Variants in SRBD1 observed in about 807,000 individuals in gnomAD.
The protein encoded by SRBD1 is S1 RNA-binding domain-containing protein 1.
Under a neutral mutation model 115.3 loss-of-function variants are expected in SRBD1, and 88 were observed. That is an observed-to-expected ratio of 0.76 (90% CI 0.64 to 0.91). The LOEUF (loss-of-function observed/expected upper bound fraction) is 0.91, where lower values mean the gene tolerates loss of function less well. SRBD1 is among the 40% of genes least tolerant of loss of function. The pLI, the probability that SRBD1 is intolerant of heterozygous loss-of-function variation, is 0.00. For synonymous variants in SRBD1, 509 were observed against 407.7 expected, an observed-to-expected ratio of 1.25 and a Z score of -2.99; for missense variants, 1,385 against 1,177.4, an observed-to-expected ratio of 1.18 and a Z score of -2.58.
intron 14 of SRBD1, among the ~76,000 whole-genome samples, chr2:45,544,725 C>T (rs1275893019): frequency 6.6e-6 from 1 of 152,098 alleles, no homozygotes; most frequent in Non-Finnish European, 1.5e-5. Context: ...TAAGAAAATA[C>T]TGCATCTAAT....
intron 14 of SRBD1, among the ~76,000 whole-genome samples, chr2:45,529,700 GAGAGA>G (rs753263580): frequency 1.3e-5 from 2 of 151,924 alleles, no homozygotes; most frequent in Non-Finnish European, 2.9e-5. Context: ...CCCCAAATAG[GAGAGA>G]AGAGAAGAAA....
chr2:45,397,764 T>G lies in SRBD1; in HGVS notation c.2514-4635A>C, dbSNP rs146546742. Among the ~76,000 whole-genome samples, 39 of 152,278 alleles carry G rather than the reference T, an allele frequency of 2.6e-4. 1 individual carries two copies. The East Asian group carries it at 4.6e-3, about 18-fold the overall frequency. ...AACCACAAGCCCAGCTAATTTTTAT[T>G]TTTTAAAAATGTTTTGTAGAGGTGA... On this transcript the variant is annotated intron_variant, in intron 19 of 20. Transcript: ENST00000263736.
chr2:45,466,644 A>C (rs1169205170), intron 16 of SRBD1, among the ~76,000 whole-genome samples: 1 of 152,160 alleles, frequency 6.6e-6, no homozygotes, highest in East Asian at 1.9e-4. Context: ...TAAAGGAAAC[A>C]TTTAAAATTA....
At chr2:45,425,038 G>C (rs2103652640) in intron 16 of SRBD1, among the ~76,000 whole-genome samples, 1 of 152,238 alleles carries the variant, frequency 6.6e-6, no homozygotes, top group East Asian at 1.9e-4. Context: ...TTGAGCTTCT[G>C]AATTAACGAG....
At chr2:45,407,004 G>T (rs1382858295) in intron 19 of SRBD1, among the ~76,000 whole-genome samples, 1 of 152,076 alleles carries the variant, frequency 6.6e-6, no homozygotes, top group Non-Finnish European at 1.5e-5. Context: ...TTAAAATCTG[G>T]CTGCAAGCTA....
Position 45,561,073 on chromosome 2 carries a change from C to T in SRBD1, c.1409+1580G>A, listed in dbSNP as rs142039206. On this transcript the variant is annotated intron_variant, in intron 10 of 20. Transcript: ENST00000263736. Reference sequence around the variant, plus strand: ...AGTGAGCTATGATAGCACCTGTGTGCTCCAGCCTAGGCAACAGAGTGAGAC... The same window carrying T: ...AGTGAGCTATGATAGCACCTGTGTGTTCCAGCCTAGGCAACAGAGTGAGAC... Among the ~76,000 whole-genome samples, 63 of 152,152 alleles carry T rather than the reference C, an allele frequency of 4.1e-4. No homozygotes were observed. The East Asian group carries it at 0.011, about 27-fold the overall frequency.
At chr2:45,599,203 G>C (rs140463404) in intron 4 of SRBD1, among the ~76,000 whole-genome samples, 20 of 152,234 alleles carry the variant, frequency 1.3e-4, no homozygotes, top group African/African-American at 4.6e-4. Flanking sequence ...TATAGTTTAT[G>C]TTCACTAAAA....
chr2:45,496,242 T>G (rs764346972), intron 14 of SRBD1, among the ~76,000 whole-genome samples: 18 of 152,204 alleles, frequency 1.2e-4, no homozygotes, highest in Admixed American at 2.6e-4. Context: ...TATGAGAAGT[T>G]CAGATTGCTA....
chr2:45,504,728 CAT>C (rs1417332230), intron 14 of SRBD1, among the ~76,000 whole-genome samples: 1 of 152,016 alleles, frequency 6.6e-6, no homozygotes. Context: ...AGACTTAGGA[CAT>C]TTAGATGGCT....
At chr2:45,392,016 G>A (rs894995273) in intron 20 of SRBD1, among the ~76,000 whole-genome samples, 2 of 152,118 alleles carry the variant, frequency 1.3e-5, no homozygotes, top group African/African-American at 4.8e-5. Context: ...AATGGAGATG[G>A]ATTTGTCTGC....
intron 16 of SRBD1, among the ~76,000 whole-genome samples, chr2:45,444,767 T>C (rs1013677832): frequency 1.3e-5 from 2 of 152,208 alleles, no homozygotes; most frequent in African/African-American, 2.4e-5. Flanking sequence ...CTAATGCTCT[T>C]CTGCACTGGC....
At chr2:45,550,996 C>A in intron 12 of SRBD1, 129 bp downstream of exon 12, 1 of 1,033,830 alleles carries the variant, frequency 9.7e-7, no homozygotes, top group Non-Finnish European at 1.3e-6. Context: ...TCCCAACACC[C>A]CTGTATGTGA....
chr2:45,460,476 G>A (rs967566225), intron 16 of SRBD1, among the ~76,000 whole-genome samples: 2 of 152,144 alleles, frequency 1.3e-5, no homozygotes, highest in African/African-American at 2.4e-5. Flanking sequence ...CAGGCACATA[G>A]CAAGCAGGCA....
chr2:45,550,681 T>C (rs574588660), intron 12 of SRBD1, among the ~76,000 whole-genome samples: 6 of 151,950 alleles, frequency 3.9e-5, no homozygotes, highest in Non-Finnish European at 7.4e-5. Flanking sequence ...AAGAAAATGA[T>C]CTCAAATGGA....
intron 16 of SRBD1, among the ~76,000 whole-genome samples, chr2:45,425,575 A>C (rs1668127106): frequency 2.6e-5 from 4 of 152,114 alleles, no homozygotes. Context: ...AGCGAGATCA[A>C]TGCAGAAGGT....
intron 15 of SRBD1, among the ~76,000 whole-genome samples, chr2:45,487,665 A>T (rs1479884064): frequency 6.6e-6 from 1 of 151,964 alleles, no homozygotes; most frequent in Non-Finnish European, 1.5e-5. Context: ...TATTACTAGT[A>T]TTATTATTTG....
chr2:45,567,235 A>G (rs913182957), intron 9 of SRBD1, among the ~76,000 whole-genome samples: 6 of 152,204 alleles, frequency 3.9e-5, no homozygotes, highest in Non-Finnish European at 1.5e-5. Context: ...TAAAAAAATT[A>G]TATAGGGGAC....
intron 14 of SRBD1, among the ~76,000 whole-genome samples, chr2:45,492,140 C>T (rs527455393): frequency 1.3e-3 from 191 of 152,164 alleles, no homozygotes; most frequent in African/African-American, 4.5e-3. Flanking sequence ...TAAGTTTTAT[C>T]TTAGGTAAAA....
intron 14 of SRBD1, among the ~76,000 whole-genome samples, chr2:45,507,924 A>G (rs1393340794): frequency 6.6e-6 from 1 of 152,128 alleles, no homozygotes; most frequent in Non-Finnish European, 1.5e-5. Context: ...AAGTGGCAGA[A>G]AAAAAGAACC....
Sources: gnomAD v4.1 joint callset for allele counts (sites outside exome capture counted in the v4.1 genomes callset) on GRCh38, gnomAD v4.1.1 for gene constraint, MANE v1.5 for transcripts, NCBI Gene and HGNC (gene_info 2026-07-23, HGNC 2026-07-21) for gene names.